SLC25A20: variants seen among roughly 807,000 people sequenced by gnomAD.
SLC25A20 encodes the protein mitochondrial carnitine/acylcarnitine carrier protein.
In SLC25A20, 29 loss-of-function variants were observed where a neutral mutation model predicts 39.7. That is an observed-to-expected ratio of 0.73 (90% CI 0.54 to 1.00). The LOEUF (loss-of-function observed/expected upper bound fraction) is 1.00, where lower values mean the gene tolerates loss of function less well. Ranked by LOEUF, SLC25A20 falls within the 50% of genes least tolerant of loss-of-function variation. The pLI is 0.00. For synonymous variants in SLC25A20, 103 were observed against 142.2 expected (o/e 0.72, Z 1.96); for missense variants, 333 against 379.9 (o/e 0.88, Z 1.03).
chr3:48,859,056 A>C, intron 7 of SLC25A20, 36 bp downstream of exon 7: 4 of 1,547,944 alleles, frequency 2.6e-6, no homozygotes, highest in East Asian at 4.5e-5. Context: ...CTGGGGACCC[A>C]CTCTCCCCCT....
In SLC25A20 at chr3:48,878,299, T is replaced by C. The variant is rs1238057136; in HGVS notation, c.417+1059A>G. Among the ~76,000 whole-genome samples the C allele has an allele frequency of 5.5e-5, 8 of 145,070 alleles. No individual in the cohort carries two copies. In the East Asian group the frequency reaches 1.6e-3, roughly 29 times the overall value. The stretch of plus-strand genomic sequence containing the variant: ...ATATATATATATATATATATATATA[T>C]GTATATATATAAATTGTTTTGTACA... On this transcript the variant is annotated intron_variant, in intron 4 of 8. Transcript: ENST00000319017.
chr3:48,875,740 G>C (rs2083750908), intron 4 of SLC25A20, among the ~76,000 whole-genome samples: 1 of 152,120 alleles, frequency 6.6e-6, no homozygotes, highest in Non-Finnish European at 1.5e-5. Context: ...GTCCATGCTG[G>C]GCATGATGGC....
chr3:48,886,411 C>A (rs1559670906), intron 2 of SLC25A20, among the ~76,000 whole-genome samples: 4 of 152,008 alleles, frequency 2.6e-5, no homozygotes, highest in Admixed American at 2.0e-4. Context: ...GTAATCCCAG[C>A]TACTCAGGAG....
At chr3:48,865,378 G>A (rs1484213605) in intron 4 of SLC25A20, among the ~76,000 whole-genome samples, 3 of 151,540 alleles carry the variant, frequency 2.0e-5, no homozygotes, top group South Asian at 2.1e-4. Flanking sequence ...CATCCGCCTC[G>A]GCCACCCAAA....
At chr3:48,868,431 T>C (rs1376480939) in intron 4 of SLC25A20, among the ~76,000 whole-genome samples, 1 of 151,748 alleles carries the variant, frequency 6.6e-6, no homozygotes, top group Admixed American at 6.6e-5. Context: ...GAAGATGGAG[T>C]AGATGTACTT....
intron 1 of SLC25A20, among the ~76,000 whole-genome samples, chr3:48,893,302 T>C (rs1430650959): frequency 6.6e-6 from 1 of 152,134 alleles, no homozygotes. Flanking sequence ...GTGATTTTGA[T>C]TTGCATTTCC....
At chr3:48,859,020 G>A (rs2083602460) in intron 7 of SLC25A20, 72 bp downstream of exon 7, 2 of 1,233,682 alleles carry the variant, frequency 1.6e-6, no homozygotes, top group Non-Finnish European at 2.4e-6. Flanking sequence ...GGCCTTATGA[G>A]CTTTGCACCC....
chr3:48,878,246 C>T (rs1438104577), intron 4 of SLC25A20, among the ~76,000 whole-genome samples: 8 of 123,872 alleles, frequency 6.5e-5, no homozygotes, highest in Middle Eastern at 6.2e-3. Flanking sequence ...GGCGACAGAG[C>T]GAGACTCCAT....
intron 2 of SLC25A20, among the ~76,000 whole-genome samples, chr3:48,886,436 A>T (rs570436161): frequency 1.2e-4 from 18 of 152,198 alleles, no homozygotes; most frequent in African/African-American, 4.3e-4. Flanking sequence ...AGGCAGGAGG[A>T]TCGCTTGAAC....
At chr3:48,879,319 GAAAGGA>G (rs2083783460) in intron 4 of SLC25A20, 33 bp downstream of exon 4, 1 of 1,434,352 alleles carries the variant, frequency 7.0e-7, no homozygotes, top group Non-Finnish European at 9.8e-7. Flanking sequence ...ATTATAAACT[GAAAGGA>G]AAAAGCTATT....
intron 2 of SLC25A20, among the ~76,000 whole-genome samples, chr3:48,889,136 A>G (rs2083854911): frequency 6.6e-6 from 1 of 151,980 alleles, no homozygotes; most frequent in African/African-American, 2.4e-5. Flanking sequence ...AAAGATCTCA[A>G]TGAGGTCTTT....
At chr3:48,886,298 G>A (rs1040104393) in intron 2 of SLC25A20, among the ~76,000 whole-genome samples, 6 of 152,166 alleles carry the variant, frequency 3.9e-5, no homozygotes, top group African/African-American at 1.4e-4. Context: ...GCCAAGGCGG[G>A]CGGATCACCT....
intron 1 of SLC25A20, among the ~76,000 whole-genome samples, chr3:48,897,365 A>ATTTT (rs1372803902): frequency 1.3e-3 from 140 of 104,304 alleles, no homozygotes; most frequent in Non-Finnish European, 2.4e-3. Flanking sequence ...ATATATATAT[A>ATTTT]TATTTTTTTT....
chr3:48,885,043 A>G (rs955854610), intron 2 of SLC25A20, among the ~76,000 whole-genome samples: 7 of 152,174 alleles, frequency 4.6e-5, no homozygotes, highest in African/African-American at 1.7e-4. Context: ...TCACTAGCAC[A>G]GTTTAGTAAT....
chr3:48,898,581 A>C (rs1427958454), intron 1 of SLC25A20, 109 bp downstream of exon 1: 1 of 978,606 alleles, frequency 1.0e-6, no homozygotes, highest in Non-Finnish European at 1.6e-6. Flanking sequence ...TTCTCACGGA[A>C]GCTCACACAT....
At chr3:48,870,011 A>G (rs2083702221) in intron 4 of SLC25A20, among the ~76,000 whole-genome samples, 1 of 151,652 alleles carries the variant, frequency 6.6e-6, no homozygotes, top group Non-Finnish European at 1.5e-5. Context: ...CCAGCTACCC[A>G]GGGGCTAGGT....
intron 1 of SLC25A20, among the ~76,000 whole-genome samples, chr3:48,897,365 ATATT>A (rs1559673740): frequency 9.6e-6 from 1 of 104,344 alleles, no homozygotes; most frequent in East Asian, 2.2e-4. Context: ...ATATATATAT[ATATT>A]TTTTTTTTTT....
intron 2 of SLC25A20, among the ~76,000 whole-genome samples, chr3:48,889,532 A>G (rs1472993040): frequency 6.6e-6 from 1 of 152,040 alleles, no homozygotes; most frequent in Non-Finnish European, 1.5e-5. Flanking sequence ...CGCTTCTGAC[A>G]TGGATCCCTA....
chr3:48,866,854 C>T (rs370926734), intron 4 of SLC25A20, among the ~76,000 whole-genome samples: 9 of 151,908 alleles, frequency 5.9e-5, no homozygotes, highest in Non-Finnish European at 1.3e-4. Flanking sequence ...AGTGCAATGG[C>T]GCGATCTCGA....
Sources: gnomAD v4.1 joint callset for allele counts (sites outside exome capture counted in the v4.1 genomes callset) on GRCh38, gnomAD v4.1.1 for gene constraint, MANE v1.5 for transcripts, NCBI Gene and HGNC (gene_info 2026-07-23, HGNC 2026-07-21) for gene names.